Variants in AADACL4 observed in about 807,000 individuals in gnomAD.
The protein encoded by AADACL4 is arylacetamide deacetylase-like 4.
A neutral mutation model predicts 14.1 loss-of-function variants in AADACL4; 9 were observed. The observed-to-expected ratio is 0.64, with a 90% CI of 0.39 to 1.12. The LOEUF (loss-of-function observed/expected upper bound fraction) is 1.12, where lower values mean the gene tolerates loss of function less well. Ranked by LOEUF, AADACL4 falls within the 50% of genes most tolerant of loss-of-function variation. AADACL4 has a pLI of 0.01. For missense variants in AADACL4, 531 were observed against 516.1 expected (o/e 1.03, Z -0.28); for synonymous variants, 188 against 201.6 (o/e 0.93, Z 0.57).
intron 3 of AADACL4, among the ~76,000 whole-genome samples, chr1:12,663,729 G>A (rs887726671): frequency 6.6e-6 from 1 of 152,096 alleles, no homozygotes; most frequent in Non-Finnish European, 1.5e-5. Context: ...TTCAACATTT[G>A]GTGAGGAGTA....
At chr1:12,663,501 A>G (rs1207447948) in intron 3 of AADACL4, among the ~76,000 whole-genome samples, 1 of 152,052 alleles carries the variant, frequency 6.6e-6, no homozygotes, top group African/African-American at 2.4e-5. Flanking sequence ...TGACCTGATC[A>G]CTTTCCTAAG....
At chr1:12,659,313 T>A (rs78388572) in intron 2 of AADACL4, among the ~76,000 whole-genome samples, 6,651 of 152,162 alleles carry the variant, frequency 0.044, 463 homozygotes, top group African/African-American at 0.15. Context: ...GCATGGAGAA[T>A]CTCACAGCAT....
chr1:12,648,346 ATCCTTCCTTCCT>A (rs34475360), intron 1 of AADACL4, among the ~76,000 whole-genome samples: 106 of 140,604 alleles, frequency 7.5e-4, no homozygotes, highest in African/African-American at 2.0e-3. Flanking sequence ...TGGACCTCAG[ATCCTTCCTTCCT>A]TCCTTCCTTC....
intron 2 of AADACL4, among the ~76,000 whole-genome samples, chr1:12,659,406 C>A (rs960292576): frequency 2.6e-5 from 4 of 152,146 alleles, no homozygotes; most frequent in African/African-American, 4.8e-5. Flanking sequence ...CCTTTGGAAG[C>A]CGGAAAAGAG....
intron 2 of AADACL4, among the ~76,000 whole-genome samples, chr1:12,659,674 G>T (rs1647211645): frequency 6.6e-6 from 1 of 152,176 alleles, no homozygotes; most frequent in African/African-American, 2.4e-5. Context: ...ACAGGATCTT[G>T]CTCTGTCACC....
intron 2 of AADACL4, 114 bp from the exon 3 acceptor site, chr1:12,661,677 A>G (rs1019331946): frequency 9.2e-7 from 1 of 1,084,666 alleles, no homozygotes; most frequent in East Asian, 2.4e-5. Context: ...GGATAGAAAC[A>G]GAGAGGATGC....
intron 1 of AADACL4, among the ~76,000 whole-genome samples, chr1:12,650,653 C>T (rs1410055626): frequency 6.6e-6 from 1 of 152,046 alleles, no homozygotes; most frequent in Admixed American, 6.5e-5. Context: ...CTGCCTCAGC[C>T]TCCCGAGTAG....
In AADACL4 at chr1:12,654,290, C is replaced by G. The variant is rs146144062; in HGVS notation, c.385+2951C>G. ...TATTACAAGGAGATCTGCCTGGAAC[C>G]AGGAGGCCATGTTTTAACAACTTCT... On this transcript the variant is annotated intron_variant, in intron 2 of 3. Transcript: ENST00000376221. Among the ~76,000 whole-genome samples the G allele has an allele frequency of 1.7e-3, 265 of 152,282 alleles. 3 individuals carry two copies. Among genetic ancestry groups the G allele is most frequent in the East Asian group, 0.011 (56 of 5,178 alleles).
At chr1:12,659,086 C>G (rs1287178830) in intron 2 of AADACL4, among the ~76,000 whole-genome samples, 1 of 152,140 alleles carries the variant, frequency 6.6e-6, no homozygotes, top group Non-Finnish European at 1.5e-5. Flanking sequence ...TGGACACATA[C>G]GAGAAAAATT....
At chr1:12,647,154 C>T (rs969190949) in intron 1 of AADACL4, among the ~76,000 whole-genome samples, 4 of 147,938 alleles carry the variant, frequency 2.7e-5, no homozygotes, top group Admixed American at 6.8e-5. Context: ...AGTGCAGTGG[C>T]GTGAACACGG....
At chr1:12,645,733 A>G (rs958889996) in intron 1 of AADACL4, among the ~76,000 whole-genome samples, 2 of 151,902 alleles carry the variant, frequency 1.3e-5, no homozygotes, top group African/African-American at 2.4e-5. Context: ...TGGTAGAGAC[A>G]GGGTTTCGCT....
intron 1 of AADACL4, among the ~76,000 whole-genome samples, 153 bp downstream of exon 1, chr1:12,644,867 T>C (rs1647099935): frequency 6.6e-6 from 1 of 152,072 alleles, no homozygotes; most frequent in African/African-American, 2.4e-5. Context: ...CTATTCTGTT[T>C]GCCTCTCTCT....
intron 1 of AADACL4, among the ~76,000 whole-genome samples, chr1:12,648,244 G>A (rs1337222985): frequency 2.0e-5 from 3 of 152,052 alleles, no homozygotes; most frequent in South Asian, 2.1e-4. Flanking sequence ...TGCTGGGATT[G>A]CAGGCATGAG....
chr1:12,648,403 T>C (rs189867681), intron 1 of AADACL4, among the ~76,000 whole-genome samples: 3 of 150,822 alleles, frequency 2.0e-5, no homozygotes, highest in Admixed American at 2.0e-4. Context: ...CTTTCCTTCT[T>C]TCCTTTTTTT....
At position 12,648,346 on chromosome 1, in the gene AADACL4, A is replaced by ATCCTTCCTTCCTTCCT. The variant is rs34475360; in HGVS notation, c.169-2747_169-2732dup. On this transcript the variant is annotated intron_variant, in intron 1 of 3. Coordinates refer to ENST00000376221, the MANE Select transcript of AADACL4 (RefSeq NM_001013630.2). ...AGCTATTTAAAATTCTGGACCTCAG[A>ATCCTTCCTTCCTTCCT]TCCTTCCTTCCTTCCTTCCTTCCTT... Among the ~76,000 whole-genome samples, 394 of 140,592 alleles carry ATCCTTCCTTCCTTCCT rather than the reference A, an allele frequency of 2.8e-3. 4 individuals carry two copies. Among genetic ancestry groups the ATCCTTCCTTCCTTCCT allele is most frequent in the African/African-American group, 6.7e-3 (239 of 35,468 alleles). 92.2% of individuals were successfully genotyped at this position (140,592 alleles called of 152,430 possible).
At position 12,665,810 on chromosome 1, in the gene AADACL4, G is replaced by T. The variant is rs936085922; in HGVS notation, c.450-151G>T. On this transcript the variant is annotated intron_variant, in intron 3 of 3. Coordinates refer to ENST00000376221, the MANE Select transcript of AADACL4 (RefSeq NM_001013630.2). ...AGGCAGGTTCTTCACATGCTCATAG[G>T]AAGACAATGGGGATAAAATCCTTAT... 9 of 881,168 alleles carry T rather than the reference G, an allele frequency of 1.0e-5. No individual in the cohort carries two copies. The African/African-American group carries it at 1.4e-4, about 13-fold the overall frequency. The allele number at this position is 881,168 out of a possible 1,614,324, so 54.6% of individuals were successfully genotyped here.
In AADACL4 at chr1:12,662,567, G is replaced by A. The variant is rs140430862; in HGVS notation, c.449+713G>A. Among the ~76,000 whole-genome samples, 339 of 152,326 alleles carry A rather than the reference G, an allele frequency of 2.2e-3. 2 individuals carry two copies. The highest frequency in any genetic ancestry group is 7.4e-3 in the African/African-American group (308 of 41,568). Reference sequence around the variant, plus strand: ...AGATGGAGGCATCTTTAGAGTGGATGGAGGGGGCAGTAGGGGCTACTCACT... The same window carrying A: ...AGATGGAGGCATCTTTAGAGTGGATAGAGGGGGCAGTAGGGGCTACTCACT... On this transcript the variant is annotated intron_variant, in intron 3 of 3. Transcript: ENST00000376221.
Position 12,661,841 on chromosome 1 carries a change from C to T in AADACL4, c.436C>T (p.Leu146Phe). 6.2e-7 allele frequency: 1 copy of T among 1,614,102 alleles called. No homozygotes were observed. The highest frequency in any genetic ancestry group is 1.7e-5 in the Admixed American group (1 of 60,022). ...NYLARETESVLLMIGYRKLPD... is the reference protein window; with the variant it reads ...NYLARETESVFLMIGYRKLPD... ...TCTGGCCCGGGAGACTGAATCTGTA[C>T]TTCTGATGATTGGGTGAGTTTCTGG... is the stretch of plus-strand genomic sequence containing the variant. Residue 146 changes from leucine to phenylalanine, a missense_variant, in exon 3 of 4, where the codon CTT becomes TTT. Transcript: ENST00000376221.
At chr1:12,665,372 G>A (rs567238468) in intron 3 of AADACL4, among the ~76,000 whole-genome samples, 25 of 152,174 alleles carry the variant, frequency 1.6e-4, no homozygotes, top group Non-Finnish European at 2.4e-4. Context: ...ATAGGCGCCC[G>A]CCACCACGCC....
Sources: allele counts gnomAD v4.1 joint callset (sites outside exome capture counted in the v4.1 genomes callset), GRCh38; gene constraint gnomAD v4.1.1; transcripts MANE v1.5; gene names NCBI Gene and HGNC (gene_info 2026-07-23, HGNC 2026-07-21).